The following LEPR variants were observed in gnomAD, a reference collection of about 807,000 sequenced individuals.
LEPR encodes leptin receptor.
Under a neutral mutation model 114.7 loss-of-function variants are expected in LEPR, and 56 were observed. The observed-to-expected ratio is 0.49, with a 90% CI of 0.39 to 0.61. The LOEUF is 0.61. LEPR is among the 20% of genes least tolerant of loss of function. The probability of loss-of-function intolerance (pLI) is 0.00; values close to 1 mark genes in which losing one functional copy is unlikely to be tolerated. For synonymous variants in LEPR, 443 were observed against 461.4 expected, an observed-to-expected ratio of 0.96 and a Z score of 0.51; for missense variants, 1,202 against 1,352.9, an observed-to-expected ratio of 0.89 and a Z score of 1.75.
intron 18 of LEPR, among the ~76,000 whole-genome samples, chr1:65,622,643 A>T (rs2101013442): frequency 6.6e-6 from 1 of 152,342 alleles, no homozygotes; most frequent in Non-Finnish European, 1.5e-5. Context: ...TCTTTGAGAG[A>T]AATCTATCCA....
intron 2 of LEPR, among the ~76,000 whole-genome samples, chr1:65,502,251 G>A (rs1274420663): frequency 1.3e-5 from 2 of 152,076 alleles, no homozygotes; most frequent in Admixed American, 1.3e-4. Context: ...GGGAAATTTG[G>A]ACATACCAAG....
At chr1:65,435,141 C>T (rs1290336765) in intron 2 of LEPR, 1 of 985,266 alleles carries the variant, frequency 1.0e-6, no homozygotes, top group Non-Finnish European at 1.2e-6. Context: ...TACCTCATCT[C>T]TTCCTCAGGA....
chr1:65,494,353 G>T (rs6702545), intron 2 of LEPR, among the ~76,000 whole-genome samples: 86,062 of 151,810 alleles, frequency 0.57, 25,155 homozygotes, highest in Middle Eastern at 0.7. Context: ...TTAGGGGAAA[G>T]TCATTATCTC....
intron 2 of LEPR, among the ~76,000 whole-genome samples, chr1:65,525,127 C>A (rs1270686354): frequency 6.6e-6 from 1 of 152,232 alleles, no homozygotes; most frequent in Non-Finnish European, 1.5e-5. Context: ...GACGAAGATG[C>A]TGGCGGAAGC....
chr1:65,451,678 T>C (rs1370353948), intron 2 of LEPR, among the ~76,000 whole-genome samples: 4 of 152,212 alleles, frequency 2.6e-5, no homozygotes, highest in South Asian at 2.1e-4. Flanking sequence ...TTGGTTACTG[T>C]AGCCTTGTAG....
chr1:65,569,822 G>A (rs1364125298), intron 3 of LEPR, among the ~76,000 whole-genome samples: 1 of 150,800 alleles, frequency 6.6e-6, no homozygotes, highest in Non-Finnish European at 1.5e-5. Flanking sequence ...AATTTAATCA[G>A]CAGTGGGCAT....
intron 2 of LEPR, among the ~76,000 whole-genome samples, chr1:65,427,567 A>G (rs1646404143): frequency 6.6e-6 from 1 of 152,144 alleles, no homozygotes; most frequent in Admixed American, 6.6e-5. Context: ...TCTTAAATAA[A>G]AAAGTAGAAA....
chr1:65,468,340 A>AT (rs1357948998), intron 2 of LEPR, among the ~76,000 whole-genome samples: 1 of 152,242 alleles, frequency 6.6e-6, no homozygotes, highest in Non-Finnish European at 1.5e-5. Flanking sequence ...GTTAGTTAAT[A>AT]TTCATGTATT....
intron 2 of LEPR, among the ~76,000 whole-genome samples, chr1:65,502,415 T>A (rs1220644002): frequency 6.7e-6 from 1 of 150,080 alleles, no homozygotes; most frequent in Non-Finnish European, 1.5e-5. Context: ...TTCTGATGTT[T>A]AAGCCACCCA....
intron 2 of LEPR, among the ~76,000 whole-genome samples, chr1:65,464,231 T>C (rs546725777): frequency 7.2e-5 from 11 of 152,208 alleles, no homozygotes; most frequent in African/African-American, 2.4e-4. Context: ...GTTTTTAGCA[T>C]GAAGGGCGGT....
At chr1:65,429,994 T>A in intron 2 of LEPR, 1 of 1,574,164 alleles carries the variant, frequency 6.4e-7, no homozygotes, top group East Asian at 2.3e-5. Context: ...TCTTCACTAC[T>A]GGAATTGTTG....
chr1:65,434,806 G>A (rs754853820), intron 2 of LEPR: 86 of 985,386 alleles, frequency 8.7e-5, no homozygotes, highest in Non-Finnish European at 9.9e-5. Flanking sequence ...CCCTCCTGAG[G>A]TTCTTCATAT....
rs554369671 is a variant in LEPR, at chr1:65,613,970, G to A, written c.1996-2038G>A. On this transcript the variant is annotated intron_variant, in intron 14 of 19. Transcript: ENST00000349533. ...TACAAATTGCTGGTGAGGATGCAGG[G>A]CAGCAAGAACTTTTATTCATTGCTG... Among the ~76,000 whole-genome samples the A allele has an allele frequency of 2.0e-5, 3 of 152,038 alleles. 1 individual carries two copies. The highest frequency in any genetic ancestry group is 6.5e-5 in the Admixed American group (1 of 15,272).
intron 2 of LEPR, among the ~76,000 whole-genome samples, chr1:65,521,258 A>C (rs1428224920): frequency 6.6e-6 from 1 of 152,252 alleles, no homozygotes; most frequent in Non-Finnish European, 1.5e-5. Flanking sequence ...TGAAAATTAA[A>C]TGAGCGCTGG....
intron 2 of LEPR, among the ~76,000 whole-genome samples, chr1:65,481,044 G>T (rs140483858): frequency 2.4e-4 from 36 of 152,338 alleles, no homozygotes; most frequent in African/African-American, 7.9e-4. Context: ...AGATCAAGGT[G>T]TTGGTAGGTT....
At chr1:65,538,437 A>G (rs936211919) in intron 2 of LEPR, among the ~76,000 whole-genome samples, 3 of 152,090 alleles carry the variant, frequency 2.0e-5, no homozygotes, top group Admixed American at 1.3e-4. Context: ...GATTTCCTGA[A>G]TGTGTATGTT....
intron 2 of LEPR, chr1:65,433,354 AATCATTGGGTAT>A: frequency 1.0e-6 from 1 of 985,430 alleles, no homozygotes; most frequent in East Asian, 1.1e-4. Context: ...CCCTTAAATG[AATCATTGGGTAT>A]ACCTGTCATG....
chr1:65,445,529 G>T (rs527424055), intron 2 of LEPR, among the ~76,000 whole-genome samples: 157 of 152,240 alleles, frequency 1.0e-3, no homozygotes, highest in African/African-American at 3.6e-3. Flanking sequence ...CCTTCTTAAA[G>T]TCTTTATAAC....
At chr1:65,454,810 C>G (rs921931432) in intron 2 of LEPR, among the ~76,000 whole-genome samples, 2 of 152,128 alleles carry the variant, frequency 1.3e-5, no homozygotes, top group Non-Finnish European at 2.9e-5. Context: ...TCTGTATTTC[C>G]TGAATCTGAA....
Sources: allele counts gnomAD v4.1 joint callset (sites outside exome capture counted in the v4.1 genomes callset), GRCh38; gene constraint gnomAD v4.1.1; transcripts MANE v1.5; gene names NCBI Gene and HGNC (gene_info 2026-07-23, HGNC 2026-07-21).